The following ANKFN1 variants were observed in gnomAD, a reference collection of about 807,000 sequenced individuals.
ANKFN1 encodes ankyrin repeat and fibronectin type III domain containing 1, also known as ankyrin repeat and fibronectin type-III domain-containing protein 1.
A neutral mutation model predicts 108.7 loss-of-function variants in ANKFN1; 74 were observed. The observed-to-expected ratio is 0.68, with a 90% CI of 0.56 to 0.83. The LOEUF (loss-of-function observed/expected upper bound fraction) is 0.83, where lower values mean the gene tolerates loss of function less well. ANKFN1 is among the 40% of genes least tolerant of loss of function. The pLI, the probability that ANKFN1 is intolerant of heterozygous loss-of-function variation, is 0.00. For missense variants in ANKFN1, 1,505 were observed against 1,382.3 expected (o/e 1.09, Z -1.41); for synonymous variants, 547 against 516.2 (o/e 1.06, Z -0.81).
chr17:56,391,413 CAT>C (rs1194798623), intron 8 of ANKFN1, among the ~76,000 whole-genome samples: 17 of 112,794 alleles, frequency 1.5e-4, no homozygotes, highest in African/African-American at 5.8e-4. Context: ...TGTGTGTGTA[CAT>C]ATATATATGT....
At chr17:56,389,038 C>G (rs1181062803) in intron 8 of ANKFN1, among the ~76,000 whole-genome samples, 1 of 149,954 alleles carries the variant, frequency 6.7e-6, no homozygotes, top group African/African-American at 2.4e-5. Flanking sequence ...AAACATGCAA[C>G]TACCATACAT....
At chr17:56,352,323 C>T (rs1306230551) in intron 5 of ANKFN1, among the ~76,000 whole-genome samples, 1 of 152,200 alleles carries the variant, frequency 6.6e-6, no homozygotes, top group African/African-American at 2.4e-5. Context: ...AGCTGACCTG[C>T]AGCCTTTGAT....
chr17:56,476,867 ACCAGTGCT>A (rs2050518399), intron 15 of ANKFN1, among the ~76,000 whole-genome samples: 1 of 152,224 alleles, frequency 6.6e-6, no homozygotes. Flanking sequence ...CCAAAAAATA[ACCAGTGCT>A]TGATTCATTC....
chr17:56,125,203 T>C (rs954653248), intron 4 of ANKFN1, among the ~76,000 whole-genome samples: 6 of 152,244 alleles, frequency 3.9e-5, no homozygotes, highest in African/African-American at 1.4e-4. Flanking sequence ...ATGGGCAGCC[T>C]GAGCTGTGAC....
At chr17:56,187,187 C>T (rs1427441792) in intron 1 of ANKFN1, among the ~76,000 whole-genome samples, 2 of 152,224 alleles carry the variant, frequency 1.3e-5, no homozygotes, top group East Asian at 1.9e-4. Flanking sequence ...ATCTACCTAT[C>T]TGACAAAGGG....
chr17:56,413,957 C>T (rs922233235), intron 8 of ANKFN1, among the ~76,000 whole-genome samples: 8 of 152,194 alleles, frequency 5.3e-5, no homozygotes, highest in African/African-American at 1.7e-4. Context: ...GGATTACAGG[C>T]ATAAGCCACT....
chr17:56,057,959 GAAAT>G (rs1036862300), intron 4 of ANKFN1, among the ~76,000 whole-genome samples: 1 of 152,104 alleles, frequency 6.6e-6, no homozygotes, highest in African/African-American at 2.4e-5. Context: ...GTAATATTTT[GAAAT>G]AAATCTGTTT....
chr17:56,283,883 C>T (rs541245964), intron 3 of ANKFN1, among the ~76,000 whole-genome samples: 20 of 152,100 alleles, frequency 1.3e-4, no homozygotes, highest in African/African-American at 4.6e-4. Context: ...CCCCAAAAAC[C>T]TATGGAAATA....
At chr17:56,109,546 T>C (rs1401024971) in intron 4 of ANKFN1, among the ~76,000 whole-genome samples, 1 of 152,044 alleles carries the variant, frequency 6.6e-6, no homozygotes, top group Non-Finnish European at 1.5e-5. Flanking sequence ...AATCACTGAT[T>C]TACACATGCA....
intron 4 of ANKFN1, among the ~76,000 whole-genome samples, chr17:56,065,708 TTTAAG>T (rs1184901217): frequency 6.6e-6 from 1 of 152,176 alleles, no homozygotes; most frequent in Non-Finnish European, 1.5e-5. Flanking sequence ...ACATTTGCCA[TTTAAG>T]TTATCTGTCT....
intron 3 of ANKFN1, among the ~76,000 whole-genome samples, chr17:56,321,271 A>G (rs146106991): frequency 6.6e-6 from 1 of 152,158 alleles, no homozygotes; most frequent in Non-Finnish European, 1.5e-5. Flanking sequence ...CCTTTTTAGC[A>G]GCTTTCGGTA....
chr17:56,265,999 T>A (rs978890996), intron 3 of ANKFN1, among the ~76,000 whole-genome samples: 1 of 152,182 alleles, frequency 6.6e-6, no homozygotes, highest in African/African-American at 2.4e-5. Context: ...TGTAAAAAGG[T>A]CTCTGGAAGA....
chr17:56,481,883 G>A (rs2050717447), intron 17 of ANKFN1, among the ~76,000 whole-genome samples: 1 of 151,946 alleles, frequency 6.6e-6, no homozygotes, highest in African/African-American at 2.4e-5. Context: ...ATATTTCATT[G>A]GTGACTCTTG....
chr17:56,243,652 C>T (rs902304838), intron 3 of ANKFN1, among the ~76,000 whole-genome samples: 2 of 152,106 alleles, frequency 1.3e-5, no homozygotes, highest in African/African-American at 4.8e-5. Flanking sequence ...TCCTTCCTAG[C>T]CCTGATTCCA....
chr17:56,070,618 T>C (rs985010192), intron 4 of ANKFN1, among the ~76,000 whole-genome samples: 1 of 152,226 alleles, frequency 6.6e-6, no homozygotes, highest in Admixed American at 6.5e-5. Context: ...TAGAGGTTTA[T>C]GTTTGTTCTC....
chr17:56,160,548 C>T (rs554026520), intron 1 of ANKFN1, among the ~76,000 whole-genome samples: 13 of 152,136 alleles, frequency 8.5e-5, no homozygotes, highest in African/African-American at 3.1e-4. Context: ...ATTCATTTGC[C>T]AAGCTAGTAA....
chr17:56,440,376 C>A lies in ANKFN1; in HGVS notation c.960C>A (p.Ile320=). Residue 320 remains isoleucine, a synonymous_variant, in exon 9 of 21, where the codon ATC becomes ATA. Coordinates refer to ENST00000682825, the MANE Select transcript of ANKFN1 (RefSeq NM_001370326.1). ...EDFSPLAGEI[I]MDNLQTLRCT... ...TTTCTCCTTTGGCTGGAGAAATCATCATGGATAATCTGCAGACTCTGAGAT... is the reference window on the plus strand; with the variant it reads ...TTTCTCCTTTGGCTGGAGAAATCATAATGGATAATCTGCAGACTCTGAGAT... 6.2e-7 allele frequency: 1 copy of A among 1,612,896 alleles called. No homozygotes were observed. The highest frequency in any genetic ancestry group is 8.5e-7 in the Non-Finnish European group (1 of 1,179,196).
intron 18 of ANKFN1, 61 bp from the exon 19 acceptor site, chr17:56,492,126 T>C (rs1326994292): frequency 1.3e-5 from 9 of 672,330 alleles, no homozygotes; most frequent in Non-Finnish European, 2.5e-5. Flanking sequence ...CTCTGAGGTA[T>C]GAATTTCTCT....
intron 4 of ANKFN1, among the ~76,000 whole-genome samples, chr17:56,126,736 C>A (rs1049186495): frequency 6.6e-6 from 1 of 152,194 alleles, no homozygotes; most frequent in African/African-American, 2.4e-5. Context: ...AGCACTTGCT[C>A]CCAAGCCCAA....
Sources: gnomAD v4.1 joint callset for allele counts (sites outside exome capture counted in the v4.1 genomes callset) on GRCh38, gnomAD v4.1.1 for gene constraint, MANE v1.5 for transcripts, NCBI Gene and HGNC (gene_info 2026-07-23, HGNC 2026-07-21) for gene names.